Variants in PCNX2 observed in about 807,000 individuals in gnomAD.
PCNX2 encodes pecanex-like protein 2.
Under a neutral mutation model 223.8 loss-of-function variants are expected in PCNX2, and 168 were observed. The ratio of observed to expected loss-of-function variants is 0.75; its 90% CI spans 0.66 to 0.85. The LOEUF is 0.85. PCNX2 is among the 40% of genes least tolerant of loss of function. PCNX2 has a pLI of 0.00. For missense variants in PCNX2, 2,507 were observed against 2,675.5 expected, an observed-to-expected ratio of 0.94 and a Z score of 1.39; for synonymous variants, 1,006 against 1,052.6, an observed-to-expected ratio of 0.96 and a Z score of 0.86.
chr1:232,994,498 CTT>C (rs1433468493), intron 32 of PCNX2, among the ~76,000 whole-genome samples: 1 of 152,136 alleles, frequency 6.6e-6, no homozygotes, highest in African/African-American at 2.4e-5. Context: ...GTGGAAGGGT[CTT>C]GTCTTGTCTC....
chr1:233,125,284 G>C (rs1414810157), intron 21 of PCNX2, among the ~76,000 whole-genome samples: 4 of 152,022 alleles, frequency 2.6e-5, no homozygotes, highest in Non-Finnish European at 5.9e-5. Context: ...TTTGTTTCAC[G>C]GGTCACTTCT....
At position 233,078,430 on chromosome 1, in the gene PCNX2, CTGCA is replaced by C. The variant is rs1673198842; in HGVS notation, c.4076+11627_4076+11630del. ...GTTTAAGACAATGTAAATTTAAAAG[CTGCA>C]TATGTCCTGCCTTTCTTTGTTTAGA... On this transcript the variant is annotated intron_variant, in intron 23 of 33. Transcript: ENST00000258229. 2.0e-5 allele frequency among the ~76,000 whole-genome samples: 3 copies of C among 152,344 alleles called. No individual in the cohort carries two copies. The South Asian group carries it at 6.2e-4, about 32-fold the overall frequency.
chr1:233,228,242 C>T (rs1657861677), intron 9 of PCNX2, among the ~76,000 whole-genome samples: 1 of 152,150 alleles, frequency 6.6e-6, no homozygotes, highest in Non-Finnish European at 1.5e-5. Flanking sequence ...TGCAGCTCCT[C>T]CTTCATTGTT....
chr1:233,292,048 C>T, intron 1 of PCNX2: 1 of 959,112 alleles, frequency 1.0e-6, no homozygotes, highest in South Asian at 4.8e-5. Context: ...TAATTAATCA[C>T]TATTTTCCAC....
intron 17 of PCNX2, chr1:233,167,618 T>A (rs974287288): frequency 8.7e-6 from 5 of 572,476 alleles, no homozygotes; most frequent in South Asian, 1.5e-4. Flanking sequence ...TATGTTAACT[T>A]ACTTCACTAT....
intron 12 of PCNX2, among the ~76,000 whole-genome samples, chr1:233,213,907 C>T (rs2102921241): frequency 7.1e-6 from 1 of 140,012 alleles, no homozygotes; most frequent in East Asian, 2.1e-4. Flanking sequence ...TGGCTCACTG[C>T]AACCTTTGCC....
At chr1:233,268,602 A>G (rs761305287) in intron 1 of PCNX2, among the ~76,000 whole-genome samples, 3 of 152,228 alleles carry the variant, frequency 2.0e-5, no homozygotes, top group Non-Finnish European at 4.4e-5. Context: ...ATGAGCTCAC[A>G]GAACTCCTCC....
chr1:233,254,363 T>TA (rs1468197461), intron 5 of PCNX2, among the ~76,000 whole-genome samples: 2 of 152,318 alleles, frequency 1.3e-5, no homozygotes, highest in East Asian at 1.9e-4. Flanking sequence ...TCATGCCTCA[T>TA]AAAAAATCGC....
intron 1 of PCNX2, among the ~76,000 whole-genome samples, chr1:233,264,296 T>C (rs1202512681): frequency 1.3e-5 from 2 of 152,192 alleles, no homozygotes; most frequent in African/African-American, 4.8e-5. Context: ...CAGGACAGCC[T>C]CAATGATTCG....
At chr1:233,249,105 A>G (rs1659300245) in intron 8 of PCNX2, among the ~76,000 whole-genome samples, 1 of 152,202 alleles carries the variant, frequency 6.6e-6, no homozygotes. Flanking sequence ...TGAAAACACT[A>G]TAGGTCCTCT....
chr1:233,034,268 G>A (rs1386557291), intron 25 of PCNX2, among the ~76,000 whole-genome samples: 1 of 152,116 alleles, frequency 6.6e-6, no homozygotes. Context: ...ATTGGGTTAT[G>A]AGGGTGCGGC....
chr1:233,208,772 A>G, intron 12 of PCNX2, 83 bp from the exon 13 acceptor site: 1 of 1,192,750 alleles, frequency 8.4e-7, no homozygotes, highest in Non-Finnish European at 1.1e-6. Flanking sequence ...TTTACACTAT[A>G]TCATATAACT....
chr1:233,053,464 G>T (rs527825591), intron 25 of PCNX2, among the ~76,000 whole-genome samples: 35 of 152,142 alleles, frequency 2.3e-4, no homozygotes, highest in Non-Finnish European at 4.0e-4. Flanking sequence ...CCTGCTCCAA[G>T]CTATAATAAG....
chr1:233,095,878 AAAAAAATTCATCAGAGAGG>A lies in PCNX2; in HGVS notation c.3838-34_3838-16del. On this transcript the variant is annotated splice_polypyrimidine_tract_variant and intron_variant, in intron 21 of 33. Coordinates refer to ENST00000258229, the MANE Select transcript of PCNX2 (RefSeq NM_014801.4). Reference sequence around the variant, plus strand: ...AGGTCCCCGAGCTGAAAGTAAAAGAAAAAAAATTCATCAGAGAGGACAATGACAACAGTGGTAACTGCAT... The same window carrying A: ...AGGTCCCCGAGCTGAAAGTAAAAGAAACAATGACAACAGTGGTAACTGCAT... The A allele has an allele frequency of 6.4e-7, 1 of 1,555,446 alleles. No homozygotes were observed. Among genetic ancestry groups the A allele is most frequent in the Non-Finnish European group, 8.8e-7 (1 of 1,136,528 alleles).
chr1:233,194,744 C>T (rs1038480638), intron 15 of PCNX2, among the ~76,000 whole-genome samples: 4 of 152,092 alleles, frequency 2.6e-5, no homozygotes, highest in South Asian at 2.1e-4. Flanking sequence ...AGGCTGGGGG[C>T]GGTGGCTCAC....
intron 19 of PCNX2, among the ~76,000 whole-genome samples, chr1:233,145,678 G>A (rs1347324483): frequency 1.3e-5 from 2 of 152,230 alleles, no homozygotes; most frequent in East Asian, 3.9e-4. Flanking sequence ...GGCATTTGAA[G>A]CATCATTCTG....
chr1:233,075,908 A>G lies in PCNX2; in HGVS notation c.4076+14153T>C, dbSNP rs991568126. ...CTACTCAATATTTTAAATACAGAAT[A>G]TGAACTTCAACTATTCATTCAGTGG... On this transcript the variant is annotated intron_variant, in intron 23 of 33. Coordinates refer to ENST00000258229, the MANE Select transcript of PCNX2 (RefSeq NM_014801.4). 7.2e-5 allele frequency among the ~76,000 whole-genome samples: 11 copies of G among 152,218 alleles called. No individual in the cohort carries two copies. The East Asian group carries it at 1.2e-3, about 16-fold the overall frequency.
chr1:233,209,515 T>G (rs570362478), intron 12 of PCNX2, among the ~76,000 whole-genome samples: 3 of 152,218 alleles, frequency 2.0e-5, no homozygotes, highest in Admixed American at 6.5e-5. Flanking sequence ...TTGCAATTCA[T>G]GAACTGCCTT....
At chr1:233,138,372 T>A (rs1373246793) in intron 20 of PCNX2, among the ~76,000 whole-genome samples, 2 of 152,208 alleles carry the variant, frequency 1.3e-5, no homozygotes, top group Non-Finnish European at 2.9e-5. Context: ...CAGGCTTAGC[T>A]CAAGGTCCTT....
Sources: allele counts gnomAD v4.1 joint callset (sites outside exome capture counted in the v4.1 genomes callset), GRCh38; gene constraint gnomAD v4.1.1; transcripts MANE v1.5; gene names NCBI Gene and HGNC (gene_info 2026-07-23, HGNC 2026-07-21).